SYCP2L: variants seen among roughly 807,000 people sequenced by gnomAD.
SYCP2L encodes synaptonemal complex protein 2-like.
Under a neutral mutation model 125.8 loss-of-function variants are expected in SYCP2L, and 98 were observed. That is an observed-to-expected ratio of 0.78 (90% confidence interval 0.66 to 0.92). The LOEUF (loss-of-function observed/expected upper bound fraction) is 0.92. Ranked by LOEUF, SYCP2L falls within the 40% of genes least tolerant of loss-of-function variation. The pLI is 0.00. For synonymous variants in SYCP2L, 317 were observed against 325.4 expected, an observed-to-expected ratio of 0.97 and a Z score of 0.28; for missense variants, 842 against 936.4, an observed-to-expected ratio of 0.90 and a Z score of 1.32.
At chr6:10,888,041 A>G (rs1780106746) in intron 1 of SYCP2L, among the ~76,000 whole-genome samples, 1 of 136,388 alleles carries the variant, frequency 7.3e-6, no homozygotes, top group Non-Finnish European at 1.5e-5. Flanking sequence ...TCCTCACTCC[A>G]ATCCTTCCAT....
intron 23 of SYCP2L, among the ~76,000 whole-genome samples, chr6:10,944,125 C>T (rs75946881): frequency 0.041 from 6,284 of 152,220 alleles, 444 homozygotes; most frequent in African/African-American, 0.14. Context: ...ATATGCCAAA[C>T]TTTCTCAAAG....
intron 2 of SYCP2L, among the ~76,000 whole-genome samples, chr6:10,892,557 C>T (rs1780191393): frequency 6.6e-6 from 1 of 152,186 alleles, no homozygotes; most frequent in Non-Finnish European, 1.5e-5. Flanking sequence ...CCTTGGCCTC[C>T]TAAAGTGCTG....
chr6:10,921,369 G>A (rs1780798262), intron 14 of SYCP2L, among the ~76,000 whole-genome samples: 1 of 152,162 alleles, frequency 6.6e-6, no homozygotes, highest in African/African-American at 2.4e-5. Flanking sequence ...ATAATAGAAT[G>A]ATTTATATTC....
At chr6:10,893,460 G>C (rs898174115) in intron 2 of SYCP2L, among the ~76,000 whole-genome samples, 4 of 152,098 alleles carry the variant, frequency 2.6e-5, no homozygotes, top group African/African-American at 9.7e-5. Context: ...GTGATCATAG[G>C]CTTGAAATTT....
At chr6:10,961,816 A>C (rs1781599057) in intron 28 of SYCP2L, among the ~76,000 whole-genome samples, 1 of 152,184 alleles carries the variant, frequency 6.6e-6, no homozygotes, top group Admixed American at 6.5e-5. Context: ...ATTTTTAAGC[A>C]GTATTTTTTA....
At chr6:10,911,928 G>A (rs1462814365) in intron 12 of SYCP2L, among the ~76,000 whole-genome samples, 1 of 47,234 alleles carries the variant, frequency 2.1e-5, no homozygotes. Flanking sequence ...TTGAGACGGA[G>A]TCTCACTCTG....
intron 23 of SYCP2L, among the ~76,000 whole-genome samples, chr6:10,951,204 G>T (rs376206969): frequency 1.6e-3 from 238 of 152,130 alleles, no homozygotes; most frequent in African/African-American, 5.4e-3. Context: ...CAGGAAGATT[G>T]CTTGAGCTTA....
chr6:10,902,985 A>G, intron 8 of SYCP2L, 22 bp downstream of exon 8: 1 of 1,598,656 alleles, frequency 6.3e-7, no homozygotes, highest in South Asian at 1.1e-5. Flanking sequence ...TGTATAAGTT[A>G]CGTGCTGTAG....
intron 23 of SYCP2L, among the ~76,000 whole-genome samples, chr6:10,951,378 G>A (rs1202668415): frequency 2.6e-5 from 4 of 152,208 alleles, no homozygotes; most frequent in South Asian, 2.1e-4. Context: ...AGCTGTGATC[G>A]TGCCACTGCA....
chr6:10,906,833 C>T (rs28575142), intron 9 of SYCP2L, among the ~76,000 whole-genome samples: 4 of 151,306 alleles, frequency 2.6e-5, no homozygotes, highest in East Asian at 2.0e-4. Flanking sequence ...TCCTGACCTC[C>T]GGTGATCCTC....
intron 12 of SYCP2L, among the ~76,000 whole-genome samples, chr6:10,911,748 G>A (rs1780610780): frequency 6.6e-6 from 1 of 152,052 alleles, no homozygotes; most frequent in Non-Finnish European, 1.5e-5. Flanking sequence ...CATGTATTGT[G>A]GGTGAAAGCC....
intron 21 of SYCP2L, among the ~76,000 whole-genome samples, chr6:10,938,610 AT>A (rs777418421): frequency 8.5e-5 from 13 of 152,230 alleles, no homozygotes; most frequent in Non-Finnish European, 1.9e-4. Context: ...AAGATGTTAA[AT>A]TGTTTTTGTT....
intron 18 of SYCP2L, among the ~76,000 whole-genome samples, chr6:10,929,067 T>G (rs2113353796): frequency 1.3e-5 from 2 of 152,258 alleles, no homozygotes; most frequent in Non-Finnish European, 2.9e-5. Context: ...AATTTTTGTA[T>G]CTTTAGTAGA....
intron 6 of SYCP2L, among the ~76,000 whole-genome samples, chr6:10,901,556 G>A (rs1436788961): frequency 6.6e-6 from 1 of 152,176 alleles, no homozygotes; most frequent in African/African-American, 2.4e-5. Context: ...TTTGAACTGG[G>A]TAATTCTTTG....
chr6:10,956,168 C>T lies in SYCP2L; in HGVS notation c.2089C>T (p.Pro697Ser), dbSNP rs868293748. ...GISTSSLEVVPENLNGSAILP... is the reference protein window; with the variant it reads ...GISTSSLEVVSENLNGSAILP... ...TTCCACTTCATCCCTAGAAGTTGTG[C>T]CAGAGAACTTGAACGGTTCTGCCAT... is the stretch of plus-strand genomic sequence containing the variant. Residue 697 changes from proline to serine, a missense_variant, in exon 25 of 30, where the codon CCA becomes TCA. Coordinates refer to ENST00000283141, the MANE Select transcript of SYCP2L (RefSeq NM_001040274.3). 1.2e-6 allele frequency: 2 copies of T among 1,613,790 alleles called. No homozygotes were observed. Among genetic ancestry groups the T allele is most frequent in the African/African-American group, 1.3e-5 (1 of 74,988 alleles).
chr6:10,898,710 T>C, intron 5 of SYCP2L, 114 bp from the exon 6 acceptor site: 1 of 758,724 alleles, frequency 1.3e-6, no homozygotes, highest in South Asian at 1.5e-5. Context: ...ATGCTTTTCT[T>C]CTGTAAAGTC....
At chr6:10,923,706 C>T (rs62395412) in intron 14 of SYCP2L, among the ~76,000 whole-genome samples, 32,739 of 118,056 alleles carry the variant, frequency 0.28, 3,990 homozygotes, top group Middle Eastern at 0.45. Context: ...TTTCTTGAGA[C>T]GGAGTCTAGC....
intron 26 of SYCP2L, among the ~76,000 whole-genome samples, chr6:10,960,321 C>T (rs866868941): frequency 2.0e-5 from 3 of 152,146 alleles, no homozygotes; most frequent in Non-Finnish European, 2.9e-5. Flanking sequence ...AGCAAGCCCA[C>T]GAAGGACTTT....
intron 23 of SYCP2L, among the ~76,000 whole-genome samples, chr6:10,943,016 T>C (rs116278662): frequency 0.02 from 3,069 of 152,240 alleles, 133 homozygotes; most frequent in African/African-American, 0.07. Flanking sequence ...CAGTCACACC[T>C]TCTCTCCAGC....
Sources: gnomAD v4.1 joint callset for allele counts (sites outside exome capture counted in the v4.1 genomes callset) on GRCh38, gnomAD v4.1.1 for gene constraint, MANE v1.5 for transcripts, NCBI Gene and HGNC (gene_info 2026-07-23, HGNC 2026-07-21) for gene names.